The following WDR72 variants were observed in gnomAD, a reference collection of about 807,000 sequenced individuals.
WDR72 encodes WD repeat domain 72, also known as WD repeat-containing protein 72.
A neutral mutation model predicts 124.2 loss-of-function variants in WDR72; 120 were observed. The observed-to-expected ratio is 0.97, with a 90% CI of 0.83 to 1.12. The LOEUF (loss-of-function observed/expected upper bound fraction) is 1.12, where lower values mean the gene tolerates loss of function less well. Among genes scored for constraint, WDR72 ranks in the 50% most tolerant of loss-of-function variants. WDR72 has a pLI of 0.00. For synonymous variants in WDR72, 452 were observed against 441.7 expected (o/e 1.02, Z -0.29); for missense variants, 1,387 against 1,278.8 (o/e 1.08, Z -1.29).
chr15:53,639,534 TTA>T (rs2014761925), intron 14 of WDR72, among the ~76,000 whole-genome samples: 2 of 146,216 alleles, frequency 1.4e-5, no homozygotes, highest in African/African-American at 4.9e-5. Flanking sequence ...ATTTATAAAA[TTA>T]TATATAATTT....
At chr15:53,605,796 A>G (rs1276008817) in intron 17 of WDR72, among the ~76,000 whole-genome samples, 1 of 152,136 alleles carries the variant, frequency 6.6e-6, no homozygotes, top group African/African-American at 2.4e-5. Context: ...CGGAGGCTGC[A>G]GTGAGCCGAG....
Position 53,632,563 on chromosome 15 carries a change from G to C in WDR72, c.1963-16320C>G, listed in dbSNP as rs117400067. The stretch of plus-strand genomic sequence containing the variant: ...ATGAGAAGAGGGCCATCATCCTCCA[G>C]TCCCCAGAATGGTAGATTCACCAGT... On this transcript the variant is annotated intron_variant, in intron 14 of 19. Coordinates refer to ENST00000360509, the MANE Select transcript of WDR72 (RefSeq NM_182758.4). 8.4e-3 allele frequency among the ~76,000 whole-genome samples: 1,273 copies of C among 152,268 alleles called. 8 individuals are homozygous for C. The highest frequency in any genetic ancestry group is 0.014 in the Middle Eastern group (4 of 294).
At chr15:53,663,014 G>C (rs1423027356) in intron 14 of WDR72, among the ~76,000 whole-genome samples, 1 of 151,420 alleles carries the variant, frequency 6.6e-6, no homozygotes, top group Non-Finnish European at 1.5e-5. Context: ...ATCTGTAGTG[G>C]GCTATGATCG....
At chr15:53,716,118 A>G (rs923103566) in intron 4 of WDR72, among the ~76,000 whole-genome samples, 2 of 152,188 alleles carry the variant, frequency 1.3e-5, no homozygotes, top group South Asian at 2.1e-4. Context: ...ATGCAACCAC[A>G]CTACATATGC....
At chr15:53,723,130 C>T (rs1225278427) in intron 2 of WDR72, among the ~76,000 whole-genome samples, 3 of 150,820 alleles carry the variant, frequency 2.0e-5, no homozygotes, top group Non-Finnish European at 4.4e-5. Context: ...GTTTGGTGTC[C>T]ATCATGAAAC....
intron 16 of WDR72, among the ~76,000 whole-genome samples, chr15:53,610,460 C>G (rs535550135): frequency 6.6e-6 from 1 of 151,768 alleles, no homozygotes; most frequent in African/African-American, 2.4e-5. Flanking sequence ...CTATAATTGT[C>G]TACTTAAATT....
chr15:53,685,148 G>A (rs2016569778), intron 13 of WDR72, among the ~76,000 whole-genome samples: 1 of 149,950 alleles, frequency 6.7e-6, no homozygotes. Context: ...CTAAAACGCA[G>A]AGCGCCTCTC....
Position 53,705,191 on chromosome 15 carries a change from T to C in WDR72, c.1145A>G (p.Asp382Gly), listed in dbSNP as rs2017314972. Residue 382 changes from aspartate to glycine, a missense_variant, in exon 11 of 20, where the codon GAT (aspartate) becomes GGT (glycine). Coordinates refer to ENST00000360509, the MANE Select transcript of WDR72 (RefSeq NM_182758.4). The part of the protein sequence containing the change: ...TATWTLQDNF[D>G]KHDTMSQSII... ...ACTTTGTGACATAGTATCATGCTTA[T>C]CAAAATTATCTTGAAGAGTCCAGGT... The C allele has an allele frequency of 3.1e-6, 5 of 1,613,870 alleles. No homozygotes were observed. The highest frequency in any genetic ancestry group is 1.3e-5 in the African/African-American group (1 of 74,934).
intron 1 of WDR72, among the ~76,000 whole-genome samples, chr15:53,745,936 T>C (rs2018633403): frequency 1.3e-5 from 2 of 152,190 alleles, no homozygotes; most frequent in African/African-American, 4.8e-5. Context: ...AAAGATGCCC[T>C]TGTCTTGCCC....
At chr15:53,681,985 A>G (rs1037641192) in intron 13 of WDR72, among the ~76,000 whole-genome samples, 1 of 152,242 alleles carries the variant, frequency 6.6e-6, no homozygotes, top group Non-Finnish European at 1.5e-5. Context: ...AATAAAATGT[A>G]GGTAATTCTT....
At chr15:53,601,693 A>G (rs547198682) in intron 17 of WDR72, among the ~76,000 whole-genome samples, 25 of 152,328 alleles carry the variant, frequency 1.6e-4, no homozygotes, top group African/African-American at 6.0e-4. Flanking sequence ...TTGCAATCCT[A>G]GTTTCTGACA....
At chr15:53,664,648 C>T (rs2015716703) in intron 14 of WDR72, among the ~76,000 whole-genome samples, 1 of 151,420 alleles carries the variant, frequency 6.6e-6, no homozygotes, top group South Asian at 2.1e-4. Flanking sequence ...TAAAAATCAG[C>T]AAAACCTTGA....
chr15:53,547,177 T>C (rs1296034432), intron 18 of WDR72, among the ~76,000 whole-genome samples: 1 of 152,158 alleles, frequency 6.6e-6, no homozygotes, highest in Non-Finnish European at 1.5e-5. Flanking sequence ...TAACATTGAG[T>C]TGAACATATT....
At chr15:53,688,385 G>GCC (rs1567028981) in intron 13 of WDR72, among the ~76,000 whole-genome samples, 48 of 148,274 alleles carry the variant, frequency 3.2e-4, no homozygotes, top group African/African-American at 1.2e-3. Flanking sequence ...CAAAATCAAT[G>GCC]TACAAAAATC....
At chr15:53,702,544 C>T (rs2017216429) in intron 11 of WDR72, among the ~76,000 whole-genome samples, 190 bp from the exon 12 acceptor site, 1 of 152,154 alleles carries the variant, frequency 6.6e-6, no homozygotes, top group African/African-American at 2.4e-5. Flanking sequence ...CCAGAGTATG[C>T]TTTTGATGAA....
chr15:53,743,284 T>G (rs770091546), intron 1 of WDR72, among the ~76,000 whole-genome samples: 25 of 152,158 alleles, frequency 1.6e-4, no homozygotes, highest in Non-Finnish European at 2.8e-4. Flanking sequence ...TTTATAGAGT[T>G]TAATTATATA....
chr15:53,644,036 G>A (rs905958817), intron 14 of WDR72, among the ~76,000 whole-genome samples: 2 of 152,034 alleles, frequency 1.3e-5, no homozygotes, highest in Non-Finnish European at 2.9e-5. Context: ...AGCTAATATT[G>A]TTATCTATTG....
Position 53,739,208 on chromosome 15 carries a change from G to A in WDR72, c.-12-6047C>T, listed in dbSNP as rs567511057. On this transcript the variant is annotated intron_variant, in intron 1 of 19. Coordinates refer to ENST00000360509, the MANE Select transcript of WDR72 (RefSeq NM_182758.4). ...GAAGTGAAGAAAGTAGGAACATAAT[G>A]ATTTTCAACTGAAGTAAGCATCAAA... Among the ~76,000 whole-genome samples the A allele has an allele frequency of 2.6e-5, 4 of 152,082 alleles. No homozygotes were observed. The South Asian group carries it at 8.3e-4, about 32-fold the overall frequency.
At chr15:53,746,539 A>G (rs976647908) in intron 1 of WDR72, among the ~76,000 whole-genome samples, 2 of 152,214 alleles carry the variant, frequency 1.3e-5, no homozygotes, top group Non-Finnish European at 2.9e-5. Context: ...GCTTTGAGAT[A>G]AAATAGGCCT....
Sources: allele counts gnomAD v4.1 joint callset (sites outside exome capture counted in the v4.1 genomes callset), GRCh38; gene constraint gnomAD v4.1.1; transcripts MANE v1.5; gene names NCBI Gene and HGNC (gene_info 2026-07-23, HGNC 2026-07-21).